Variants in TRIM5 observed in about 807,000 individuals in gnomAD.
The protein encoded by TRIM5 is tripartite motif containing 5.
TRIM5 carries 31 observed loss-of-function variants against 35.6 expected under a neutral mutation model. That is an observed-to-expected ratio of 0.87 (90% CI 0.65 to 1.18). The LOEUF is 1.18. Among genes scored for constraint, TRIM5 ranks in the 50% most tolerant of loss-of-function variants. TRIM5 has a pLI of 0.00. For synonymous variants in TRIM5, 243 were observed against 215.6 expected (o/e 1.13, Z -1.11); for missense variants, 609 against 591.6 (o/e 1.03, Z -0.31).
chr11:5,632,408 T>C, the TRIM5 span: 1 of 1,614,006 alleles, frequency 6.2e-7, no homozygotes, highest in Non-Finnish European at 8.5e-7. Context: ...ACAGAACCCT[T>C]GAGTCTAGAC....
chr11:5,651,733 T>C, the TRIM5 span, among the ~76,000 whole-genome samples: 1 of 152,234 alleles, frequency 6.6e-6, no homozygotes, highest in Non-Finnish European at 1.5e-5. Flanking sequence ...CTTTCCACAG[T>C]GGCTAAACTA....
At chr11:5,618,871 A>G in the TRIM5 span, among the ~76,000 whole-genome samples, 1 of 152,240 alleles carries the variant, frequency 6.6e-6, no homozygotes, top group Non-Finnish European at 1.5e-5. Context: ...GATTTGGGAG[A>G]GAAACAGTGA....
At chr11:5,614,117 T>C in the TRIM5 span, among the ~76,000 whole-genome samples, 1 of 152,344 alleles carries the variant, frequency 6.6e-6, no homozygotes, top group Admixed American at 6.5e-5. Flanking sequence ...AGAGGCCTTC[T>C]GTTCTTGACA....
At chr11:5,684,610 C>T (rs1001493650) in intron 1 of TRIM5, among the ~76,000 whole-genome samples, 2 of 152,148 alleles carry the variant, frequency 1.3e-5, no homozygotes, top group East Asian at 1.9e-4. Flanking sequence ...GGAGAAGACA[C>T]TGAAAGAGAG....
At chr11:5,632,664 T>C in the TRIM5 span, 2 of 1,612,526 alleles carry the variant, frequency 1.2e-6, no homozygotes, top group South Asian at 1.1e-5. Context: ...GTAAGGAGGA[T>C]AGGAAAGTCA....
At chr11:5,677,231 T>G (rs1304694342) in intron 4 of TRIM5, among the ~76,000 whole-genome samples, 2 of 151,906 alleles carry the variant, frequency 1.3e-5, no homozygotes, top group African/African-American at 4.8e-5. Context: ...ATCCGGAATC[T>G]ACAATGAACT....
chr11:5,612,919 CTA>C, the TRIM5 span: 3 of 152,132 alleles, frequency 2.0e-5, no homozygotes, highest in African/African-American at 7.2e-5. Flanking sequence ...TATGTTGGCT[CTA>C]TTGGATTAAA....
At chr11:5,627,483 G>A in the TRIM5 span, among the ~76,000 whole-genome samples, 2 of 152,102 alleles carry the variant, frequency 1.3e-5, no homozygotes, top group Admixed American at 1.3e-4. Context: ...GAGGTGGTTG[G>A]AAACTAATTT....
At chr11:5,643,126 T>TATAGAGA in the TRIM5 span, 2 of 995,096 alleles carry the variant, frequency 2.0e-6, no homozygotes, top group Non-Finnish European at 2.6e-6. Flanking sequence ...TATATATATA[T>TATAGAGA]TTTTTTTTTT....
chr11:5,652,008 T>C, the TRIM5 span, among the ~76,000 whole-genome samples: 1 of 152,186 alleles, frequency 6.6e-6, no homozygotes, highest in Admixed American at 6.5e-5. Context: ...TTTCTGCTTG[T>C]AAATTTATTG....
chr11:5,609,210 T>G, the TRIM5 span, among the ~76,000 whole-genome samples: 1 of 152,120 alleles, frequency 6.6e-6, no homozygotes, highest in South Asian at 2.1e-4. Flanking sequence ...TCCTCCATGC[T>G]CCTCACAGAC....
At chr11:5,648,299 G>A in the TRIM5 span, among the ~76,000 whole-genome samples, 5 of 152,070 alleles carry the variant, frequency 3.3e-5, no homozygotes, top group African/African-American at 1.2e-4. Flanking sequence ...GAGGTCAGGA[G>A]ATCGAGACCA....
At chr11:5,646,408 G>A in the TRIM5 span, among the ~76,000 whole-genome samples, 13 of 152,214 alleles carry the variant, frequency 8.5e-5, no homozygotes, top group South Asian at 6.2e-4. Context: ...CATCAAATAT[G>A]ACCACATCAT....
At chr11:5,665,842 T>G (rs1851090227) in intron 6 of TRIM5, 139 bp downstream of exon 6, 2 of 1,326,186 alleles carry the variant, frequency 1.5e-6, no homozygotes, top group Non-Finnish European at 2.0e-6. Flanking sequence ...TCCCATTAAA[T>G]ATAATCCCAT....
the TRIM5 span, among the ~76,000 whole-genome samples, chr11:5,600,786 G>A: frequency 1.3e-5 from 2 of 152,124 alleles, no homozygotes; most frequent in Non-Finnish European, 2.9e-5. Context: ...ACTGTGGCCT[G>A]TTCAGAACAG....
the TRIM5 span, chr11:5,642,367 T>G: frequency 3.8e-6 from 6 of 1,571,932 alleles, no homozygotes; most frequent in Non-Finnish European, 5.2e-6. Context: ...GGACACAGGA[T>G]GAGAGATGTG....
the TRIM5 span, among the ~76,000 whole-genome samples, chr11:5,619,553 C>T: frequency 3.5e-4 from 6 of 17,360 alleles, no homozygotes; most frequent in African/African-American, 8.0e-4. Context: ...GCAAGTGGGG[C>T]GGGGGCGGGG....
the TRIM5 span, among the ~76,000 whole-genome samples, chr11:5,636,505 TC>T: frequency 1.3e-5 from 2 of 152,186 alleles, no homozygotes; most frequent in Non-Finnish European, 2.9e-5. Flanking sequence ...AAAGGGCAAA[TC>T]TTATGGTATT....
the TRIM5 span, among the ~76,000 whole-genome samples, chr11:5,656,565 G>A: frequency 1.3e-5 from 2 of 152,066 alleles, no homozygotes; most frequent in Non-Finnish European, 2.9e-5. Flanking sequence ...TGTTGGTCAG[G>A]CTGGTCTCGA....
Sources: allele counts gnomAD v4.1 joint callset (sites outside exome capture counted in the v4.1 genomes callset), GRCh38; gene constraint gnomAD v4.1.1; transcripts MANE v1.5; gene names NCBI Gene and HGNC (gene_info 2026-07-23, HGNC 2026-07-21).